PKD1: variants seen among roughly 807,000 people sequenced by gnomAD.
PKD1 encodes the protein polycystin-1.
Under a neutral mutation model 361.7 loss-of-function variants are expected in PKD1, and 81 were observed. That is an observed-to-expected ratio of 0.22 (90% CI 0.19 to 0.27). The LOEUF (loss-of-function observed/expected upper bound fraction) is 0.27, where lower values mean the gene tolerates loss of function less well. Ranked by LOEUF, PKD1 falls within the 10% of genes least tolerant of loss-of-function variation. The pLI is 1.00. For missense variants in PKD1, 6,399 were observed against 6,118.3 expected (o/e 1.05, Z -1.53); for synonymous variants, 3,615 against 2,818.3 (o/e 1.28, Z -8.95).
intron 1 of PKD1, chr16:2,120,104 G>A (rs569732853): frequency 1.8e-6 from 1 of 555,542 alleles, no homozygotes; most frequent in East Asian, 2.9e-5. Context: ...CAAGTACTCG[G>A]GAGGTAGAGG....
In PKD1 at chr16:2,106,948, C is replaced by A; in HGVS notation, c.7066G>T (p.Val2356Leu). 1.3e-6 allele frequency: 2 copies of A among 1,586,796 alleles called. No homozygotes were observed. The highest frequency in any genetic ancestry group is 1.7e-6 in the Non-Finnish European group (2 of 1,172,768). Residue 2356 changes from valine to leucine, a missense_variant and splice_region_variant, in exon 17 of 46, where the codon GTG (valine) becomes TTG (leucine). By Grantham distance (32) the Val-to-Leu change is conservative (BLOSUM62 1). Coordinates refer to ENST00000262304, the MANE Select transcript of PKD1 (RefSeq NM_001009944.3). This position sits in a 1 kb window ranked among gnomAD's most constrained non-coding sequence, Gnocchi z 6.5. ...GRKEEATNQT[V>L]LIRSGRVPIV... is the part of the protein sequence containing the mutation. ...GGCACCCGGCCACTCCGGATCAGCA[C>A]CTGGCGTGGGAGTGGGGTTACCTCC... is the stretch of plus-strand genomic sequence containing the variant.
rs751666019 is a variant in PKD1 at position 2,108,564 on chromosome 16, T to C, written c.6603A>G (p.Pro2201=). ...CCACGCCGGGCAGGGCCACACGCGC[T>C]GGGCGCCCCGGCCGCTGGCAGCTGG... is the stretch of plus-strand genomic sequence containing the variant. ...RTASCQRPGR[P]ARVALPGVDV... is the part of the protein sequence containing the mutation. Residue 2201 remains proline, a synonymous_variant, in exon 15 of 46, where the codon CCA becomes CCG. Coordinates refer to ENST00000262304, the MANE Select transcript of PKD1 (RefSeq NM_001009944.3). The C allele has an allele frequency of 1.4e-4, 223 of 1,581,090 alleles. No homozygotes were observed. The highest frequency in any genetic ancestry group is 4.2e-4 in the African/African-American group (31 of 74,368).
Position 2,089,863 on chromosome 16 carries a change from G to T in PKD1, c.12776C>A (p.Ser4259Tyr). The change falls in exon 46 of 46, where the codon TCC becomes TAC. Residue 4259 changes from serine to tyrosine, a missense_variant. By Grantham distance (144) the Ser-to-Tyr change is moderately radical. Transcript: ENST00000262304. ...CCGCAGGCCCGGGGATGGGCCACGG[G>T]AAGATCCGGCGGGCGCCCGGCTGCT... ...RRSSRAPAGS[S>Y]RGPSPGLRPA... 1 of 1,609,474 alleles carries T rather than the reference G, an allele frequency of 6.2e-7. No homozygotes were observed. Among genetic ancestry groups the T allele is most frequent in the South Asian group, 1.1e-5 (1 of 90,482 alleles).
In PKD1 at chr16:2,092,564, G is replaced by A. The variant is rs752335203; in HGVS notation, c.11185C>T (p.His3729Tyr). 1 of 1,612,138 alleles carries A rather than the reference G, an allele frequency of 6.2e-7. No homozygotes were observed. The highest frequency in any genetic ancestry group is 1.7e-5 in the Admixed American group (1 of 59,974). ...CCGTGGACGTAGGGCAGCAGCACGT[G>A]GGCCATCCATGGCCAGAGCTCCTCA... is the stretch of plus-strand genomic sequence containing the variant. ...RSEELWPWMA[H>Y]VLLPYVHGNQ... Residue 3729 changes from histidine (H) to tyrosine (Y), a missense_variant, in exon 39 of 46, where the codon CAC becomes TAC. By Grantham distance (83) the His-to-Tyr change is moderately conservative. Transcript: ENST00000262304.
In PKD1 at chr16:2,090,208, AG is replaced by A; in HGVS notation, c.12445-15del. On this transcript the variant is annotated splice_polypyrimidine_tract_variant and intron_variant, in intron 45 of 45. Transcript: ENST00000262304. ...TTTGTGGCGGAACTGGGGGCGGCAC[AG>A]GGGCTCAGTCAGTCCGGCTGCACCC... is the stretch of plus-strand genomic sequence containing the variant. 1 of 1,607,664 alleles carries A rather than the reference AG, an allele frequency of 6.2e-7. No individual in the cohort carries two copies.
At chr16:2,105,200 G>A (rs1423336582) in intron 21 of PKD1, 122 bp downstream of exon 21, 8 of 922,796 alleles carry the variant, frequency 8.7e-6, no homozygotes, top group South Asian at 1.5e-5. Context: ...GGAACGCCAT[G>A]GCAGGAAGGA....
At chr16:2,095,699 G>A (rs1421241012) in intron 34 of PKD1, among the ~76,000 whole-genome samples, 2 of 152,250 alleles carry the variant, frequency 1.3e-5, no homozygotes, top group Admixed American at 6.5e-5. Flanking sequence ...CCAAGCCTCC[G>A]ACCTGGTCAG....
Position 2,092,753 on chromosome 16 carries a change from T to C in PKD1, c.11157-161A>G, listed in dbSNP as rs2091654683. The C allele has an allele frequency of 3.6e-6, 3 of 828,368 alleles. No homozygotes were observed. In the South Asian group the frequency reaches 4.3e-5, roughly 12 times the overall value. The allele number at this position is 828,368 out of a possible 1,614,324, so 51.3% of individuals were successfully genotyped here. A position where few individuals can be genotyped will look rare whatever the true frequency, so the allele number is the denominator to read the frequency against. On this transcript the variant is annotated intron_variant, in intron 38 of 45. Coordinates refer to ENST00000262304, the MANE Select transcript of PKD1 (RefSeq NM_001009944.3). ...CCTGGGGATGTTCTGGGGCAGACAG[T>C]TGTCTGTCATGGGCCCGTCCTGTGC...
rs2092600153 is a variant in PKD1, at chr16:2,114,697, C to T, written c.2326G>A (p.Glu776Lys). ...AAGCCCAGCAGCACGGTGAGCTGTT[C>T]CGTGGCTGCAAGCAGCCGCAGGGCA... ...ACALRLLAAT[E>K]QLTVLLGLRP... The change falls in exon 11 of 46, where the codon GAA (glutamate) becomes AAA (lysine). Residue 776 changes from glutamate to lysine, a missense_variant. Glu to Lys is a moderately conservative substitution (Grantham distance 56, BLOSUM62 1). Transcript: ENST00000262304. 3 of 1,536,224 alleles carry T rather than the reference C, an allele frequency of 2.0e-6. No individual in the cohort carries two copies. Among genetic ancestry groups the T allele is most frequent in the Non-Finnish European group, 2.6e-6 (3 of 1,148,240 alleles).
rs1368537169 is a variant in PKD1, at chr16:2,128,527, G to T, written c.215+6948C>A. ...TGCGGCTGCAGGGGTCTGCCCCAGA[G>T]CATGCTGATGAAATCATCACCACGG... On this transcript the variant is annotated intron_variant, in intron 1 of 45. Transcript: ENST00000262304. Among the ~76,000 whole-genome samples the T allele has an allele frequency of 5.3e-5, 8 of 152,100 alleles. No homozygotes were observed. In the South Asian group the frequency reaches 1.7e-3, roughly 31 times the overall value.
rs760134109 is a variant in PKD1 at position 2,097,309 on chromosome 16, C to G, written c.10405+10G>C. On this transcript the variant is annotated intron_variant, in intron 33 of 45. Transcript: ENST00000262304. Reference sequence around the variant, plus strand: ...GAGCTTCAGAGCCCCCTCCTCTCACCCCAGCTCACCTGATGCTGAGAAGGA... The same window carrying G: ...GAGCTTCAGAGCCCCCTCCTCTCACGCCAGCTCACCTGATGCTGAGAAGGA... The G allele has an allele frequency of 1.2e-6, 2 of 1,612,508 alleles. No homozygotes were observed.
At position 2,117,898 on chromosome 16, in the gene PKD1, G is replaced by A; in HGVS notation, c.1094C>T (p.Ser365Phe). The A allele has an allele frequency of 8.5e-7, 1 of 1,180,600 alleles. No homozygotes were observed. The highest frequency in any genetic ancestry group is 1.2e-6 in the Non-Finnish European group (1 of 823,874). 73.1% of individuals were successfully genotyped at this position (1,180,600 alleles called of 1,614,324 possible). A position where few individuals can be genotyped will look rare whatever the true frequency, so the allele number is the denominator to read the frequency against. Reference sequence around the variant, plus strand: ...GAGGCTCTCGTCACTCTGCACCGAGGACGGGCACACGAGCTCCAGGGCGGC... The same window carrying A: ...GAGGCTCTCGTCACTCTGCACCGAGAACGGGCACACGAGCTCCAGGGCGGC... ...APAALELVCP[S>F]SVQSDESLDL... Residue 365 changes from serine to phenylalanine, a missense_variant, in exon 5 of 46, where the codon TCC (serine) becomes TTC (phenylalanine). Coordinates refer to ENST00000262304, the MANE Select transcript of PKD1 (RefSeq NM_001009944.3).
intron 8 of PKD1, 111 bp from the exon 9 acceptor site, chr16:2,116,229 A>G (rs1328502272): frequency 3.9e-5 from 45 of 1,141,856 alleles, no homozygotes; most frequent in Non-Finnish European, 4.6e-5. Context: ...GCGAGCCATC[A>G]GACCCCCACA....
At chr16:2,121,322 A>G (rs1290961593) in intron 1 of PKD1, among the ~76,000 whole-genome samples, 2 of 151,600 alleles carry the variant, frequency 1.3e-5, no homozygotes, top group Admixed American at 1.3e-4. Context: ...CTGAGATCGC[A>G]CCCCTGCACT....
Position 2,092,028 on chromosome 16 carries a change from G to A in PKD1, c.11411+19C>T, listed in dbSNP as rs2091611451. ...CCCTTGTCCTTGGCGTAGACGCCCG[G>A]GGCCCTCGCTCTGCTCACCCCAGCA... On this transcript the variant is annotated intron_variant, in intron 40 of 45. Coordinates refer to ENST00000262304, the MANE Select transcript of PKD1 (RefSeq NM_001009944.3). 5 of 1,612,568 alleles carry A rather than the reference G, an allele frequency of 3.1e-6. No homozygotes were observed. Among genetic ancestry groups the A allele is most frequent in the Non-Finnish European group, 2.5e-6 (3 of 1,179,952 alleles).
At chr16:2,129,088 C>G (rs900246466) in intron 1 of PKD1, among the ~76,000 whole-genome samples, 8 of 151,928 alleles carry the variant, frequency 5.3e-5, no homozygotes, top group African/African-American at 1.9e-4. Context: ...GTCACAAACT[C>G]CTGACCTTGT....
Position 2,106,051 on chromosome 16 carries a change from G to C in PKD1, c.7704-27C>G, listed in dbSNP as rs1347606022. 1.2e-6 allele frequency: 2 copies of C among 1,607,074 alleles called. No individual in the cohort carries two copies. Among genetic ancestry groups the C allele is most frequent in the Admixed American group, 1.7e-5 (1 of 59,960 alleles). On this transcript the variant is annotated intron_variant, in intron 19 of 45. Transcript: ENST00000262304. This position sits in a 1 kb window ranked among gnomAD's most constrained non-coding sequence, Gnocchi z 6.5. ...TACGAGCAGAGGGGGGTGGTGAGCAGGTGGCAGTCTCGGGGGCGCCCTCCC... is the reference window on the plus strand; with the variant it reads ...TACGAGCAGAGGGGGGTGGTGAGCACGTGGCAGTCTCGGGGGCGCCCTCCC...
At chr16:2,128,638 GAC>G (rs1305057065) in intron 1 of PKD1, among the ~76,000 whole-genome samples, 2 of 152,232 alleles carry the variant, frequency 1.3e-5, no homozygotes, top group Non-Finnish European at 2.9e-5. Flanking sequence ...GGTATGGAGA[GAC>G]AAGAACACAG....
rs772781547 is a variant in PKD1, at chr16:2,090,291, G to C, written c.12438C>G (p.Val4146=). ...CCCACTGGGCCGTACCCACCTCCTT[G>C]ACCTTGCTGAGGCCCATCCAGAGGC... The part of the protein sequence containing the change: ...RLRLWMGLSK[V]KEFRHKVRFE... The change falls in exon 45 of 46, where the codon GTC becomes GTG. Residue 4146 remains valine (V), a synonymous_variant. Coordinates refer to ENST00000262304, the MANE Select transcript of PKD1 (RefSeq NM_001009944.3). 6 of 1,609,872 alleles carry C rather than the reference G, an allele frequency of 3.7e-6. No individual in the cohort carries two copies. Among genetic ancestry groups the C allele is most frequent in the Non-Finnish European group, 5.1e-6 (6 of 1,178,108 alleles).
Sources: allele counts gnomAD v4.1 joint callset (sites outside exome capture counted in the v4.1 genomes callset), GRCh38; gene constraint gnomAD v4.1.1; non-coding constraint Gnocchi (gnomAD v3.1); transcripts MANE v1.5; gene names NCBI Gene and HGNC (gene_info 2026-07-23, HGNC 2026-07-21).